Variants in CNTN1 observed in about 807,000 individuals in gnomAD.
The protein encoded by CNTN1 is contactin-1.
A neutral mutation model predicts 126.4 loss-of-function variants in CNTN1; 38 were observed. The ratio of observed to expected loss-of-function variants is 0.30; its 90% confidence interval spans 0.23 to 0.39. CNTN1 has a LOEUF of 0.39. Ranked by LOEUF, CNTN1 falls within the 10% of genes least tolerant of loss-of-function variation. The pLI is 1.00. For synonymous variants in CNTN1, 413 were observed against 422.6 expected (o/e 0.98, Z 0.28); for missense variants, 1,009 against 1,248.4 (o/e 0.81, Z 2.89).
intron 1 of CNTN1, among the ~76,000 whole-genome samples, chr12:40,712,946 T>G (rs1941959832): frequency 6.6e-6 from 1 of 152,088 alleles, no homozygotes; most frequent in South Asian, 2.1e-4. Flanking sequence ...TGTGAGTTAT[T>G]TCTTAATTCC....
intron 1 of CNTN1, chr12:40,729,617 T>TGAAGC (rs1215380875): frequency 3.1e-5 from 7 of 226,938 alleles, no homozygotes; most frequent in African/African-American, 1.2e-4. Context: ...TTCAGTTGTT[T>TGAAGC]GAAGCTATTG....
At chr12:40,970,539 G>T (rs1331648200) in intron 15 of CNTN1, among the ~76,000 whole-genome samples, 2 of 151,986 alleles carry the variant, frequency 1.3e-5, no homozygotes, top group East Asian at 3.9e-4. Context: ...CTATAAAATG[G>T]TATAATTCTA....
rs1555201446 is a variant in CNTN1 at position 41,029,053 on chromosome 12, A to G, written c.2824-10A>G. On this transcript the variant is annotated splice_polypyrimidine_tract_variant and intron_variant, in intron 22 of 23. Transcript: ENST00000551295. ...CTTTACTGCATATTTACATTTCTGT[A>G]CTTTATAAGGTACTCTACAGACCTG... 3 of 1,613,586 alleles carry G rather than the reference A, an allele frequency of 1.9e-6. No individual in the cohort carries two copies. The highest frequency in any genetic ancestry group is 1.3e-5 in the African/African-American group (1 of 75,002).
chr12:40,736,201 G>A (rs948564647), intron 1 of CNTN1, among the ~76,000 whole-genome samples: 4 of 151,976 alleles, frequency 2.6e-5, no homozygotes, highest in African/African-American at 9.7e-5. Flanking sequence ...GCACTTGGAA[G>A]TGTAAAAGGT....
chr12:41,034,703 A>G (rs149043328), intron 23 of CNTN1, among the ~76,000 whole-genome samples: 37 of 152,356 alleles, frequency 2.4e-4, no homozygotes, highest in African/African-American at 8.2e-4. Context: ...CAAATAGCTT[A>G]CATTTAAATT....
intron 1 of CNTN1, among the ~76,000 whole-genome samples, chr12:40,773,688 TATATACAC>T (rs1481020687): frequency 4.9e-4 from 4 of 8,232 alleles, no homozygotes; most frequent in African/African-American, 1.4e-3. Flanking sequence ...TATATATATA[TATATACAC>T]ATATATATAT....
Position 41,044,834 on chromosome 12 carries a change from C to T in CNTN1, c.2980+15615C>T, listed in dbSNP as rs575072866. Among the ~76,000 whole-genome samples the T allele has an allele frequency of 2.6e-5, 4 of 152,114 alleles. No homozygotes were observed. The East Asian group carries it at 7.7e-4, about 29-fold the overall frequency. The stretch of plus-strand genomic sequence containing the variant: ...AGATACCTTTATTCAAAGATGATTT[C>T]ATTTTTCTGAGTATTGGGTATTAGC... On this transcript the variant is annotated intron_variant, in intron 23 of 23. Transcript: ENST00000551295.
In CNTN1 at chr12:40,972,432, G is replaced by A. The variant is rs140419294; in HGVS notation, c.1805-8477G>A. On this transcript the variant is annotated intron_variant, in intron 15 of 23. Coordinates refer to ENST00000551295, the MANE Select transcript of CNTN1 (RefSeq NM_001843.4). ...ACAATAAATAATTTTGATTTTCTTAGACAGGTTTGTGTTTAGGTATGAGTT... is the reference window on the plus strand; with the variant it reads ...ACAATAAATAATTTTGATTTTCTTAAACAGGTTTGTGTTTAGGTATGAGTT... The A allele has an allele frequency of 2.7e-4, 265 of 983,660 alleles. No individual in the cohort carries two copies. The African/African-American group carries it at 4.0e-3, about 15-fold the overall frequency. 60.9% of individuals were successfully genotyped at this position (983,660 alleles called of 1,614,324 possible). A position where few individuals can be genotyped will look rare whatever the true frequency, so the allele number is the denominator to read the frequency against.
intron 1 of CNTN1, among the ~76,000 whole-genome samples, chr12:40,756,399 C>A (rs1326413008): frequency 6.6e-6 from 1 of 151,928 alleles, no homozygotes; most frequent in African/African-American, 2.4e-5. Flanking sequence ...GCATGGATGA[C>A]AAAATTACCA....
intron 1 of CNTN1, among the ~76,000 whole-genome samples, chr12:40,788,618 T>G (rs1416939837): frequency 6.6e-6 from 1 of 152,022 alleles, no homozygotes; most frequent in Non-Finnish European, 1.5e-5. Context: ...AATGACCCCT[T>G]GGAAAATTTG....
At chr12:40,855,328 T>C (rs1942866319) in intron 1 of CNTN1, among the ~76,000 whole-genome samples, 1 of 152,154 alleles carries the variant, frequency 6.6e-6, no homozygotes, top group South Asian at 2.1e-4. Flanking sequence ...TTGTCTGTTG[T>C]ATTACTCTTA....
intron 23 of CNTN1, among the ~76,000 whole-genome samples, chr12:41,050,583 T>C (rs969926517): frequency 3.9e-5 from 6 of 152,168 alleles, no homozygotes; most frequent in Admixed American, 3.9e-4. Context: ...CACTGGGGAT[T>C]ACAGTTCAAT....
At chr12:40,910,149 T>C in intron 3 of CNTN1, 44 bp downstream of exon 3, 1 of 1,426,996 alleles carries the variant, frequency 7.0e-7, no homozygotes, top group Non-Finnish European at 9.9e-7. Flanking sequence ...CTTTTCTCTA[T>C]TGAATCATAT....
intron 1 of CNTN1, among the ~76,000 whole-genome samples, chr12:40,710,928 T>C (rs1941897448): frequency 6.6e-6 from 1 of 152,200 alleles, no homozygotes; most frequent in African/African-American, 2.4e-5. Context: ...TTTCTACTTT[T>C]GAATTTTAAA....
chr12:40,905,229 A>G (rs1313211576), intron 1 of CNTN1, among the ~76,000 whole-genome samples: 2 of 152,302 alleles, frequency 1.3e-5, no homozygotes, highest in East Asian at 3.9e-4. Flanking sequence ...TTTTCAATTT[A>G]CTGAGATATC....
intron 1 of CNTN1, among the ~76,000 whole-genome samples, chr12:40,759,559 A>C (rs1938758831): frequency 6.6e-6 from 1 of 150,864 alleles, no homozygotes; most frequent in Admixed American, 6.6e-5. Context: ...TCTACCTCCC[A>C]GGCTCAAGTG....
intron 1 of CNTN1, among the ~76,000 whole-genome samples, chr12:40,833,298 G>A (rs1288585164): frequency 1.3e-5 from 2 of 152,096 alleles, no homozygotes; most frequent in East Asian, 3.9e-4. Flanking sequence ...GTTTCACCAT[G>A]TTGGCCAGGC....
chr12:40,904,953 A>G (rs1944756884), intron 1 of CNTN1, among the ~76,000 whole-genome samples: 1 of 152,226 alleles, frequency 6.6e-6, no homozygotes, highest in African/African-American at 2.4e-5. Flanking sequence ...AACATTTTGC[A>G]TGCACAACTT....
intron 1 of CNTN1, among the ~76,000 whole-genome samples, chr12:40,779,304 G>T (rs1460692871): frequency 6.6e-6 from 1 of 151,670 alleles, no homozygotes; most frequent in African/African-American, 2.4e-5. Flanking sequence ...TTAGCAATTT[G>T]TTTTGTGTGC....
Sources: gnomAD v4.1 joint callset for allele counts (sites outside exome capture counted in the v4.1 genomes callset) on GRCh38, gnomAD v4.1.1 for gene constraint, MANE v1.5 for transcripts, NCBI Gene and HGNC (gene_info 2026-07-23, HGNC 2026-07-21) for gene names.